RBM33: variants seen among roughly 807,000 people sequenced by gnomAD.
The protein encoded by RBM33 is RNA binding motif protein 33, also known as RNA-binding protein 33.
Under a neutral mutation model 132.6 loss-of-function variants are expected in RBM33, and 28 were observed. The observed-to-expected ratio is 0.21, with a 90% CI of 0.16 to 0.29. RBM33 has a LOEUF of 0.29. Ranked by LOEUF, RBM33 falls within the 10% of genes least tolerant of loss-of-function variation. The pLI is 1.00. For synonymous variants in RBM33, 634 were observed against 593.0 expected (o/e 1.07, Z -1.01); for missense variants, 1,291 against 1,518.5 (o/e 0.85, Z 2.49).
At chr7:155,692,079 T>G (rs1000156295) in intron 5 of RBM33, among the ~76,000 whole-genome samples, 5 of 151,842 alleles carry the variant, frequency 3.3e-5, no homozygotes, top group African/African-American at 1.2e-4. Flanking sequence ...ATTTTTTTTT[T>G]CTTTGATTTT....
At chr7:155,677,009 C>T (rs946622830) in intron 3 of RBM33, among the ~76,000 whole-genome samples, 4 of 152,102 alleles carry the variant, frequency 2.6e-5, no homozygotes, top group Admixed American at 1.3e-4. Context: ...AACAGCCTCT[C>T]GAATGAAATT....
At chr7:155,770,745 A>G (rs996411878) in intron 16 of RBM33, among the ~76,000 whole-genome samples, 1 of 152,072 alleles carries the variant, frequency 6.6e-6, no homozygotes, top group Non-Finnish European at 1.5e-5. Flanking sequence ...CACACACACA[A>G]CCACAGCCAT....
intron 6 of RBM33, 98 bp from the exon 7 acceptor site, chr7:155,706,762 C>CA: frequency 1.0e-6 from 1 of 991,964 alleles, no homozygotes; most frequent in Non-Finnish European, 1.5e-6. Context: ...CATGCTGTGG[C>CA]AGAGTTTCAT....
intron 14 of RBM33, among the ~76,000 whole-genome samples, chr7:155,748,297 T>C (rs2117041981): frequency 6.6e-6 from 1 of 152,384 alleles, no homozygotes; most frequent in East Asian, 1.9e-4. Context: ...TGTAACTAAA[T>C]CTAATGCATT....
chr7:155,722,263 T>C (rs988630129), intron 9 of RBM33, among the ~76,000 whole-genome samples: 13 of 152,234 alleles, frequency 8.5e-5, no homozygotes, highest in African/African-American at 3.1e-4. Flanking sequence ...TTGGGCACTT[T>C]GCTCTGTCCA....
chr7:155,727,019 C>T (rs1800811771), intron 9 of RBM33, among the ~76,000 whole-genome samples: 1 of 152,232 alleles, frequency 6.6e-6, no homozygotes, highest in Non-Finnish European at 1.5e-5. Flanking sequence ...AGAATATCAG[C>T]TGTGACATTT....
chr7:155,701,182 A>AT (rs1464614856), intron 6 of RBM33: 12 of 550,214 alleles, frequency 2.2e-5, no homozygotes, highest in Non-Finnish European at 3.8e-5. Context: ...AATTAAAAAA[A>AT]ATTTTTTTTT....
chr7:155,776,231 A>G lies in RBM33; in HGVS notation c.*1190A>G, dbSNP rs894718088. 1 of 152,642 alleles carries G rather than the reference A, an allele frequency of 6.6e-6. No individual in the cohort carries two copies. The highest frequency in any genetic ancestry group is 1.5e-5 in the Non-Finnish European group (1 of 68,046). The allele number at this position is 152,642 out of a possible 1,614,324, so 9.5% of individuals were successfully genotyped here. A position where few individuals can be genotyped will look rare whatever the true frequency, so the allele number is the denominator to read the frequency against. The stretch of plus-strand genomic sequence containing the variant: ...GTATTTCTGCTCATGAAAGAGTTTC[A>G]CTATTTTGGATATATTCTAAAGTGG... On this transcript the variant is annotated 3_prime_UTR_variant, in exon 18 of 18. Coordinates refer to ENST00000401878, the MANE Select transcript of RBM33 (RefSeq NM_053043.3). The surrounding 1 kb of genome is among the most constrained non-coding windows in gnomAD (Gnocchi z 4.0).
chr7:155,673,941 T>TTGTTGTTTTTTTTTTGTTTTTTTG (rs796928438), intron 3 of RBM33, among the ~76,000 whole-genome samples: 4 of 42,522 alleles, frequency 9.4e-5, no homozygotes, highest in African/African-American at 6.2e-4. Context: ...TTAGGCTTAG[T>TTGTTGTTTTTTTTTTGTTTTTTTG]TTTTTTTTTT....
At chr7:155,690,491 TG>T (rs1194944052) in intron 5 of RBM33, among the ~76,000 whole-genome samples, 1 of 152,236 alleles carries the variant, frequency 6.6e-6, no homozygotes, top group African/African-American at 2.4e-5. Flanking sequence ...TTGTTATGTG[TG>T]AATTTGACCC....
chr7:155,679,818 A>G (rs2116922340), intron 4 of RBM33, among the ~76,000 whole-genome samples: 1 of 152,314 alleles, frequency 6.6e-6, no homozygotes, highest in African/African-American at 2.4e-5. Flanking sequence ...GAGGTGTATT[A>G]ATTTTTTGTT....
intron 1 of RBM33, among the ~76,000 whole-genome samples, chr7:155,662,087 G>C (rs192608083): frequency 3.9e-4 from 59 of 151,966 alleles, no homozygotes; most frequent in Non-Finnish European, 6.9e-4. Flanking sequence ...TCACCCCTCC[G>C]CCGAAGCTTC....
intron 13 of RBM33, 56 bp from the exon 14 acceptor site, chr7:155,744,905 G>A: frequency 1.4e-6 from 2 of 1,465,038 alleles, no homozygotes; most frequent in Non-Finnish European, 1.8e-6. Flanking sequence ...TGTTGAAATA[G>A]ACTATGGGCA....
chr7:155,758,404 C>A (rs955126805), intron 14 of RBM33, among the ~76,000 whole-genome samples: 5 of 152,128 alleles, frequency 3.3e-5, no homozygotes, highest in Admixed American at 1.3e-4. Flanking sequence ...ATTGTTGCAC[C>A]TCAGATCATC....
chr7:155,694,688 C>T (rs183063334), intron 5 of RBM33, among the ~76,000 whole-genome samples: 259 of 152,246 alleles, frequency 1.7e-3, no homozygotes, highest in African/African-American at 5.7e-3. Flanking sequence ...AGTGTGTGTG[C>T]GCTCCTGTGT....
intron 14 of RBM33, among the ~76,000 whole-genome samples, chr7:155,751,797 T>G (rs959968706): frequency 1.3e-5 from 2 of 152,104 alleles, no homozygotes; most frequent in African/African-American, 4.8e-5. Flanking sequence ...ATTAGTAAAG[T>G]AATTTATAGG....
chr7:155,707,646 T>C (rs1445160137), intron 7 of RBM33, among the ~76,000 whole-genome samples: 1 of 152,110 alleles, frequency 6.6e-6, no homozygotes, highest in African/African-American at 2.4e-5. Context: ...ACAGAAATTA[T>C]TGATTTTTTT....
intron 9 of RBM33, among the ~76,000 whole-genome samples, chr7:155,722,954 T>G (rs1009959821): frequency 6.6e-6 from 1 of 152,264 alleles, no homozygotes; most frequent in Non-Finnish European, 1.5e-5. Flanking sequence ...TAGTGCCTTT[T>G]GTTTAAATTT....
intron 12 of RBM33, among the ~76,000 whole-genome samples, 179 bp from the exon 13 acceptor site, chr7:155,741,640 A>C (rs978346064): frequency 6.6e-6 from 1 of 152,244 alleles, no homozygotes; most frequent in South Asian, 2.1e-4. Context: ...ATGCTGCCAC[A>C]TGGATCAGGT....
Sources: allele counts gnomAD v4.1 joint callset (sites outside exome capture counted in the v4.1 genomes callset), GRCh38; gene constraint gnomAD v4.1.1; non-coding constraint Gnocchi (gnomAD v3.1); transcripts MANE v1.5; gene names NCBI Gene and HGNC (gene_info 2026-07-23, HGNC 2026-07-21).